The following PCDHGA4 variants were observed in gnomAD, a reference collection of about 807,000 sequenced individuals.
The protein encoded by PCDHGA4 is protocadherin gamma subfamily A, 4.
A neutral mutation model predicts 54.6 loss-of-function variants in PCDHGA4; 38 were observed. The ratio of observed to expected loss-of-function variants is 0.70; its 90% CI spans 0.54 to 0.91. The LOEUF (loss-of-function observed/expected upper bound fraction) is 0.91, where lower values mean the gene tolerates loss of function less well. Ranked by LOEUF, PCDHGA4 falls within the 40% of genes least tolerant of loss-of-function variation. The pLI, the probability that PCDHGA4 is intolerant of heterozygous loss-of-function variation, is 0.00. For missense variants in PCDHGA4, 1,298 were observed against 1,220.9 expected (o/e 1.06, Z -0.94); for synonymous variants, 511 against 512.9 (o/e 1.00, Z 0.05).
intron 1 of PCDHGA4, chr5:141,388,544 A>C (rs755878131): frequency 5.6e-6 from 9 of 1,613,654 alleles, no homozygotes; most frequent in Non-Finnish European, 6.8e-6. Flanking sequence ...TTGGAGCTCC[A>C]CCCCTAAGCA....
At chr5:141,468,924 C>G (rs1434433938) in intron 1 of PCDHGA4, among the ~76,000 whole-genome samples, 1 of 150,520 alleles carries the variant, frequency 6.6e-6, no homozygotes, top group Non-Finnish European at 1.5e-5. Context: ...GAGAATAGCA[C>G]TAAAATGGGA....
intron 1 of PCDHGA4, chr5:141,414,950 TGACCAA>T (rs778670321): frequency 6.2e-7 from 1 of 1,614,030 alleles, no homozygotes; most frequent in South Asian, 1.1e-5. Context: ...GGCTACCTGG[TGACCAA>T]GGTGGTGGCG....
intron 1 of PCDHGA4, chr5:141,412,932 T>A: frequency 2.2e-6 from 1 of 453,328 alleles, no homozygotes; most frequent in Non-Finnish European, 3.9e-6. Flanking sequence ...AGTAACTTCT[T>A]AGGACTCTGA....
chr5:141,450,015 T>A (rs911475310), intron 1 of PCDHGA4, among the ~76,000 whole-genome samples: 12 of 149,806 alleles, frequency 8.0e-5, no homozygotes, highest in Non-Finnish European at 1.6e-4. Flanking sequence ...TCTTTTTTTT[T>A]TTTTTTTTTG....
chr5:141,472,980 C>CAAAAAAAAAAAAAAAAGAAAAAAAAA (rs2099308501), intron 1 of PCDHGA4, among the ~76,000 whole-genome samples: 1 of 86,106 alleles, frequency 1.2e-5, no homozygotes, highest in Non-Finnish European at 2.5e-5. Context: ...GAGTGAAACT[C>CAAAAAAAAAAAAAAAAGAAAAAAAAA]AAAAAAAAAA....
At chr5:141,433,318 G>A (rs1659490277) in intron 1 of PCDHGA4, 2 of 788,746 alleles carry the variant, frequency 2.5e-6, no homozygotes, top group Non-Finnish European at 4.0e-6. Context: ...CTTTGCCTCC[G>A]GTGTAACAGG....
Position 141,372,784 on chromosome 5 carries a change from C to T in PCDHGA4, c.2514+15163C>T. Reference sequence around the variant, plus strand: ...GAAAGTAATGACAATCCAGAAATGCCTTCTAATTCAGGCAATTTGCAAAAG... The same window carrying T: ...GAAAGTAATGACAATCCAGAAATGCTTTCTAATTCAGGCAATTTGCAAAAG... On this transcript the variant is annotated intron_variant, in intron 1 of 3. Coordinates refer to ENST00000571252, the MANE Select transcript of PCDHGA4 (RefSeq NM_018917.4). The T allele has an allele frequency of 1.9e-6, 3 of 1,606,556 alleles. No homozygotes were observed. In the South Asian group the frequency reaches 3.3e-5, roughly 18 times the overall value.
chr5:141,482,071 A>G (rs2099551527), intron 1 of PCDHGA4, among the ~76,000 whole-genome samples: 1 of 145,394 alleles, frequency 6.9e-6, no homozygotes, highest in Non-Finnish European at 1.5e-5. Flanking sequence ...GGCAACAAGA[A>G]CAAAACTCAC....
rs1762616469 is a variant in PCDHGA4 at position 141,362,659 on chromosome 5, C to T, written c.2514+5038C>T. ...TCTTTGTCTGTGAGTTAGATTTGGC[C>T]AATGTTGTGCCTTAATTGTCTTAAT... On this transcript the variant is annotated intron_variant, in intron 1 of 3. Transcript: ENST00000571252. 3.0e-6 allele frequency: 4 copies of T among 1,352,230 alleles called. No individual in the cohort carries two copies. In the African/African-American group the frequency reaches 4.4e-5, roughly 15 times the overall value. The allele number at this position is 1,352,230 out of a possible 1,614,324, so 83.8% of individuals were successfully genotyped here. A position where few individuals can be genotyped will look rare whatever the true frequency, so the allele number is the denominator to read the frequency against.
At position 141,431,612 on chromosome 5, in the gene PCDHGA4, G is replaced by A. The variant is rs79883194; in HGVS notation, c.2515-63195G>A. 1.9e-6 allele frequency: 3 copies of A among 1,614,126 alleles called. No homozygotes were observed. The highest frequency in any genetic ancestry group is 2.5e-6 in the Non-Finnish European group (3 of 1,180,052). ...AGTGAGGTATTCCTTCCGGTATGTG[G>A]ACGACAAGGCGGCCCAAGTTTTCAA... On this transcript the variant is annotated intron_variant, in intron 1 of 3. Coordinates refer to ENST00000571252, the MANE Select transcript of PCDHGA4 (RefSeq NM_018917.4). This position sits in a 1 kb window ranked among gnomAD's most constrained non-coding sequence, Gnocchi z 4.8.
chr5:141,477,351 G>A lies in PCDHGA4; in HGVS notation c.2515-17456G>A. 6.2e-7 allele frequency: 1 copy of A among 1,614,126 alleles called. No homozygotes were observed. The highest frequency in any genetic ancestry group is 8.5e-7 in the Non-Finnish European group (1 of 1,180,018). On this transcript the variant is annotated intron_variant, in intron 1 of 3. Transcript: ENST00000571252. This position sits in a 1 kb window ranked among gnomAD's most constrained non-coding sequence, Gnocchi z 4.9. ...AAGAATTACTTCACTTTGAAAACCA[G>A]TGCAGACCTGGATCGGGAGACTGTG...
chr5:141,360,870 C>A (rs972403699), intron 1 of PCDHGA4: 24 of 1,613,872 alleles, frequency 1.5e-5, no homozygotes, highest in African/African-American at 2.7e-5. Flanking sequence ...TCAGCCAGGA[C>A]GTGTACAGGG....
intron 1 of PCDHGA4, chr5:141,364,163 A>G (rs1042010311): frequency 7.4e-6 from 5 of 674,008 alleles, no homozygotes; most frequent in African/African-American, 1.9e-5. Context: ...CGCAGAGGCG[A>G]CCCGACTCTG....
At chr5:141,422,769 T>C (rs1274700138) in intron 1 of PCDHGA4, 1 of 1,613,852 alleles carries the variant, frequency 6.2e-7, no homozygotes, top group Admixed American at 1.7e-5. Context: ...ACACTGGTGT[T>C]CTCTATGCCC....
intron 1 of PCDHGA4, chr5:141,441,702 A>G: frequency 3.2e-6 from 1 of 309,906 alleles, no homozygotes. Context: ...GCGAGCCTTC[A>G]AGCTCACGCT....
chr5:141,442,818 C>A (rs553817796), intron 1 of PCDHGA4, among the ~76,000 whole-genome samples: 1 of 151,882 alleles, frequency 6.6e-6, no homozygotes, highest in Non-Finnish European at 1.5e-5. Context: ...TGTACTGATC[C>A]AAAAATAAGG....
chr5:141,419,735 G>A (rs1013306543), intron 1 of PCDHGA4: 4 of 1,613,806 alleles, frequency 2.5e-6, no homozygotes, highest in Non-Finnish European at 3.4e-6. Flanking sequence ...AACAGGCGAG[G>A]TGCGCATGGT....
In PCDHGA4 at chr5:141,485,417, G is replaced by A. The variant is rs1340790133; in HGVS notation, c.2515-9390G>A. The A allele has an allele frequency of 1.2e-6, 2 of 1,614,166 alleles. No homozygotes were observed. Among genetic ancestry groups the A allele is most frequent in the Non-Finnish European group, 8.5e-7 (1 of 1,180,038 alleles). ...ACACTTCCGTGTGGATTTGGACAGCGGAGCCCTGCTCATCAAGAACCCAAT... is the reference window on the plus strand; with the variant it reads ...ACACTTCCGTGTGGATTTGGACAGCAGAGCCCTGCTCATCAAGAACCCAAT... On this transcript the variant is annotated intron_variant, in intron 1 of 3. Coordinates refer to ENST00000571252, the MANE Select transcript of PCDHGA4 (RefSeq NM_018917.4). The surrounding 1 kb of genome is among the most constrained non-coding windows in gnomAD (Gnocchi z 5.7).
intron 1 of PCDHGA4, chr5:141,372,195 A>T: frequency 4.3e-6 from 7 of 1,613,560 alleles, no homozygotes; most frequent in Non-Finnish European, 5.9e-6. Flanking sequence ...CTCGGGATAC[A>T]ACGCCTGGCT....
Sources: gnomAD v4.1 joint callset for allele counts (sites outside exome capture counted in the v4.1 genomes callset) on GRCh38, gnomAD v4.1.1 for gene constraint, Gnocchi (gnomAD v3.1) non-coding constraint, MANE v1.5 for transcripts, NCBI Gene and HGNC (gene_info 2026-07-23, HGNC 2026-07-21) for gene names.